LDLRAD4: variants seen among roughly 807,000 people sequenced by gnomAD.
The protein encoded by LDLRAD4 is low density lipoprotein receptor class A domain containing 4.
Under a neutral mutation model 17.0 loss-of-function variants are expected in LDLRAD4, and 5 were observed. The ratio of observed to expected loss-of-function variants is 0.29; its 90% CI spans 0.15 to 0.62. The LOEUF (loss-of-function observed/expected upper bound fraction) is 0.62. Among genes scored for constraint, LDLRAD4 ranks in the 20% least tolerant of loss-of-function variants. The pLI is 0.84. For synonymous variants in LDLRAD4, 168 were observed against 171.8 expected (o/e 0.98, Z 0.17); for missense variants, 340 against 424.7 (o/e 0.80, Z 1.75).
intron 1 of LDLRAD4, among the ~76,000 whole-genome samples, chr18:13,261,404 GA>G (rs1158970825): frequency 6.6e-6 from 1 of 152,222 alleles, no homozygotes; most frequent in East Asian, 1.9e-4. Context: ...TGTAGAAAGG[GA>G]ACTTTGAGAA....
chr18:13,567,415 T>C (rs1940912), intron 3 of LDLRAD4, among the ~76,000 whole-genome samples: 120,174 of 152,186 alleles, frequency 0.79, 48,159 homozygotes, highest in African/African-American at 0.92. Context: ...TGAGGCCTGC[T>C]GCCGTAGGGC....
intron 3 of LDLRAD4, among the ~76,000 whole-genome samples, chr18:13,549,695 C>T (rs536652786): frequency 5.3e-5 from 8 of 151,932 alleles, no homozygotes; most frequent in African/African-American, 1.9e-4. Flanking sequence ...TTAAAATTAG[C>T]CCTGGCTGGA....
At chr18:13,302,260 A>T (rs1216301643) in intron 1 of LDLRAD4, among the ~76,000 whole-genome samples, 1 of 152,114 alleles carries the variant, frequency 6.6e-6, no homozygotes, top group Non-Finnish European at 1.5e-5. Flanking sequence ...TGGAAATGTG[A>T]TTCAGTGGAG....
Position 13,533,457 on chromosome 18 carries a change from T to C in LDLRAD4, c.182-87660T>C, listed in dbSNP as rs950981972. Among the ~76,000 whole-genome samples the C allele has an allele frequency of 5.3e-5, 8 of 152,378 alleles. 1 individual carries two copies. Among genetic ancestry groups the C allele is most frequent in the Middle Eastern group, 3.4e-3 (1 of 294 alleles). ...AGAAAGTCAAAATAGAATTAAGCATTTACACTTAGCTTATGATCCCAATTT... is the reference window on the plus strand; with the variant it reads ...AGAAAGTCAAAATAGAATTAAGCATCTACACTTAGCTTATGATCCCAATTT... On this transcript the variant is annotated intron_variant, in intron 3 of 5. Coordinates refer to ENST00000359446, the Ensembl canonical transcript of LDLRAD4.
chr18:13,383,974 A>T, intron 1 of LDLRAD4, among the ~76,000 whole-genome samples: 1 of 152,202 alleles, frequency 6.6e-6, no homozygotes, highest in South Asian at 2.1e-4. Context: ...CAGAGTGTAT[A>T]TAGGAATAGG....
intron 1 of LDLRAD4, among the ~76,000 whole-genome samples, chr18:13,296,505 G>A (rs905284452): frequency 2.0e-5 from 3 of 151,944 alleles, no homozygotes; most frequent in African/African-American, 4.8e-5. Context: ...GCACACATGA[G>A]GGGTCTTTTC....
chr18:13,456,443 A>C (rs1406371506), intron 3 of LDLRAD4, among the ~76,000 whole-genome samples: 1 of 152,070 alleles, frequency 6.6e-6, no homozygotes, highest in Non-Finnish European at 1.5e-5. Context: ...GGCCCTCTCC[A>C]CGCCTCAGTG....
intron 1 of LDLRAD4, among the ~76,000 whole-genome samples, chr18:13,383,706 T>C (rs555822025): frequency 2.8e-4 from 42 of 152,306 alleles, no homozygotes; most frequent in African/African-American, 9.9e-4. Flanking sequence ...CTGCTGACTG[T>C]GCTGGCCCTC....
chr18:13,565,221 G>A (rs1435078793), intron 3 of LDLRAD4, among the ~76,000 whole-genome samples: 5 of 152,182 alleles, frequency 3.3e-5, no homozygotes, highest in African/African-American at 4.8e-5. Context: ...CTTTTAGGTC[G>A]ACCAGTTGTC....
intron 1 of LDLRAD4, among the ~76,000 whole-genome samples, chr18:13,293,425 G>A (rs1327326404): frequency 1.3e-5 from 2 of 152,100 alleles, no homozygotes; most frequent in African/African-American, 2.4e-5. Flanking sequence ...AACAGATACC[G>A]AAATTATTGA....
At chr18:13,393,694 TAA>T (rs2086451598) in intron 2 of LDLRAD4, among the ~76,000 whole-genome samples, 1 of 152,204 alleles carries the variant, frequency 6.6e-6, no homozygotes, top group Admixed American at 6.5e-5. Flanking sequence ...GTTTTAGTGA[TAA>T]GTTTCCCTTG....
intron 3 of LDLRAD4, among the ~76,000 whole-genome samples, chr18:13,533,997 C>A (rs2094166656): frequency 6.6e-6 from 1 of 152,136 alleles, no homozygotes; most frequent in African/African-American, 2.4e-5. Context: ...ATTAAGCCCC[C>A]AGGAATAATC....
intron 1 of LDLRAD4, among the ~76,000 whole-genome samples, chr18:13,225,549 C>T (rs1447900217): frequency 6.6e-6 from 1 of 152,260 alleles, no homozygotes; most frequent in African/African-American, 2.4e-5. Flanking sequence ...ACTCTGTCAA[C>T]AGCTCTCAGT....
At chr18:13,629,938 C>A (rs1347070469) in intron 4 of LDLRAD4, among the ~76,000 whole-genome samples, 2 of 152,170 alleles carry the variant, frequency 1.3e-5, no homozygotes, top group South Asian at 4.1e-4. Context: ...TGAGCTCTGA[C>A]TTCTTCTCAC....
At chr18:13,648,057 A>G (rs2043084022) in exon 6 of LDLRAD4, 1 of 152,230 alleles carries the variant, frequency 6.6e-6, no homozygotes, top group Non-Finnish European at 1.5e-5. Flanking sequence ...GTGCCCACAG[A>G]TGCGGAGGCG....
At chr18:13,597,050 G>A (rs143743950) in intron 3 of LDLRAD4, among the ~76,000 whole-genome samples, 74 of 152,148 alleles carry the variant, frequency 4.9e-4, no homozygotes, top group Middle Eastern at 6.8e-3. Flanking sequence ...TACTGTCTGG[G>A]GTTACTTGCT....
intron 3 of LDLRAD4, among the ~76,000 whole-genome samples, chr18:13,492,272 A>G (rs1375631712): frequency 6.6e-6 from 1 of 152,240 alleles, no homozygotes; most frequent in Non-Finnish European, 1.5e-5. Flanking sequence ...GGAAAGGTGA[A>G]TCCTGGATTT....
At chr18:13,601,571 A>C (rs540137094) in intron 3 of LDLRAD4, among the ~76,000 whole-genome samples, 1 of 151,350 alleles carries the variant, frequency 6.6e-6, no homozygotes, top group African/African-American at 2.4e-5. Context: ...GGAGAATGGC[A>C]TGAACCCGGG....
intron 3 of LDLRAD4, among the ~76,000 whole-genome samples, chr18:13,619,514 C>CTG (rs1491433531): frequency 0.057 from 652 of 11,340 alleles, 4 homozygotes; most frequent in Middle Eastern, 0.11. Context: ...GGGGGTGGGG[C>CTG]CGGGGGGGGG....
Sources: gnomAD v4.1 joint callset for allele counts (sites outside exome capture counted in the v4.1 genomes callset) on GRCh38, gnomAD v4.1.1 for gene constraint, MANE v1.5 for transcripts, NCBI Gene and HGNC (gene_info 2026-07-23, HGNC 2026-07-21) for gene names.